The following LRP1B variants were observed in gnomAD, a reference collection of about 807,000 sequenced individuals.
LRP1B encodes LDL receptor related protein 1B.
A neutral mutation model predicts 556.6 loss-of-function variants in LRP1B; 217 were observed. The observed-to-expected ratio is 0.39, with a 90% CI of 0.35 to 0.44. The LOEUF (loss-of-function observed/expected upper bound fraction) is 0.44. LRP1B is among the 20% of genes least tolerant of loss of function. The pLI is 1.00. For synonymous variants in LRP1B, 2,047 were observed against 1,865.8 expected (o/e 1.10, Z -2.50); for missense variants, 5,053 against 5,620.8 (o/e 0.90, Z 3.23).
At chr2:141,605,430 T>C (rs1687885191) in intron 2 of LRP1B, among the ~76,000 whole-genome samples, 1 of 152,154 alleles carries the variant, frequency 6.6e-6, no homozygotes, top group South Asian at 2.1e-4. Context: ...ATGGTTAATA[T>C]GGGGCAGAAT....
chr2:141,663,487 T>G (rs1690302888), intron 2 of LRP1B, among the ~76,000 whole-genome samples: 1 of 151,240 alleles, frequency 6.6e-6, no homozygotes, highest in African/African-American at 2.4e-5. Context: ...ATAGACACAA[T>G]CAGAAGTGAT....
chr2:140,748,157 T>G (rs1688390876), intron 35 of LRP1B, among the ~76,000 whole-genome samples: 1 of 137,992 alleles, frequency 7.2e-6, no homozygotes, highest in Non-Finnish European at 1.5e-5. Context: ...TATGTGTGTA[T>G]ATATTCATAT....
At chr2:141,630,023 A>G (rs573149530) in intron 2 of LRP1B, among the ~76,000 whole-genome samples, 7 of 152,110 alleles carry the variant, frequency 4.6e-5, no homozygotes, top group Non-Finnish European at 1.0e-4. Context: ...AATAAAAATA[A>G]TGTTCTAACT....
intron 23 of LRP1B, among the ~76,000 whole-genome samples, chr2:140,897,208 T>C (rs1693979347): frequency 6.6e-6 from 1 of 152,338 alleles, no homozygotes; most frequent in South Asian, 2.1e-4. Flanking sequence ...TGAGAAATCA[T>C]ATGGTACTGC....
At chr2:140,961,261 CCTT>C (rs1446522530) in intron 18 of LRP1B, among the ~76,000 whole-genome samples, 1 of 151,956 alleles carries the variant, frequency 6.6e-6, no homozygotes, top group African/African-American at 2.4e-5. Flanking sequence ...ATCAATCTAT[CCTT>C]CTATTTGTCA....
At chr2:140,693,360 C>A (rs183053554) in intron 41 of LRP1B, among the ~76,000 whole-genome samples, 144 of 152,246 alleles carry the variant, frequency 9.5e-4, no homozygotes, top group African/African-American at 3.4e-3. Flanking sequence ...CTCTGTCACC[C>A]AGGCTAGAGT....
chr2:141,653,036 T>C (rs977426821), intron 2 of LRP1B, among the ~76,000 whole-genome samples: 15 of 152,186 alleles, frequency 9.9e-5, no homozygotes, highest in Admixed American at 3.9e-4. Context: ...TAATAAAACT[T>C]GGAAGGCTTT....
chr2:142,050,168 G>T (rs1704405020), intron 1 of LRP1B, among the ~76,000 whole-genome samples: 2 of 151,972 alleles, frequency 1.3e-5, no homozygotes, highest in Non-Finnish European at 1.5e-5. Context: ...TAATACATAG[G>T]TATACACACA....
chr2:140,522,470 A>G (rs1690223247), intron 49 of LRP1B, among the ~76,000 whole-genome samples: 1 of 151,982 alleles, frequency 6.6e-6, no homozygotes. Flanking sequence ...CACATCAAAA[A>G]GATAGAAAGA....
chr2:140,563,030 A>G (rs1282326116), intron 43 of LRP1B, among the ~76,000 whole-genome samples: 1 of 152,222 alleles, frequency 6.6e-6, no homozygotes, highest in Non-Finnish European at 1.5e-5. Flanking sequence ...ATAAGATGGT[A>G]CATATTTTTA....
At chr2:141,296,223 T>G (rs114259441) in intron 3 of LRP1B, among the ~76,000 whole-genome samples, 2,353 of 152,296 alleles carry the variant, frequency 0.015, 56 homozygotes, top group African/African-American at 0.053. Flanking sequence ...CCATGAAATT[T>G]GAAGCATTCC....
intron 3 of LRP1B, among the ~76,000 whole-genome samples, chr2:141,366,938 C>T (rs191211987): frequency 1.2e-3 from 184 of 152,264 alleles, no homozygotes; most frequent in African/African-American, 4.3e-3. Context: ...GAAATTACTC[C>T]ATCTTGAAGA....
At chr2:141,860,578 C>T (rs1418134169) in intron 1 of LRP1B, among the ~76,000 whole-genome samples, 1 of 152,006 alleles carries the variant, frequency 6.6e-6, no homozygotes, top group African/African-American at 2.4e-5. Context: ...CTATGTAATT[C>T]ACTGTGTACA....
At chr2:141,523,790 C>T (rs940332386) in intron 2 of LRP1B, among the ~76,000 whole-genome samples, 3 of 152,130 alleles carry the variant, frequency 2.0e-5, no homozygotes, top group Non-Finnish European at 1.5e-5. Flanking sequence ...AAATGAATTA[C>T]ATGTTCTCCC....
intron 84 of LRP1B, among the ~76,000 whole-genome samples, chr2:140,276,274 T>A (rs2104956224): frequency 6.6e-6 from 1 of 152,166 alleles, no homozygotes; most frequent in African/African-American, 2.4e-5. Flanking sequence ...ATTGACAGAC[T>A]TGCTTCATAT....
At chr2:141,254,352 C>A (rs575106755) in intron 4 of LRP1B, among the ~76,000 whole-genome samples, 170 bp downstream of exon 4, 1 of 151,986 alleles carries the variant, frequency 6.6e-6, no homozygotes, top group South Asian at 2.1e-4. Context: ...GAGTCATAAA[C>A]TTATAATAAT....
Position 141,354,084 on chromosome 2 carries a change from A to G in LRP1B, c.344-99443T>C, listed in dbSNP as rs374663699. ...AAAAGTGGAGTATGGGAGAAGACTG[A>G]GGATCAAAAACCTACCTCTCGGGTA... On this transcript the variant is annotated intron_variant, in intron 3 of 90. Coordinates refer to ENST00000389484, the MANE Select transcript of LRP1B (RefSeq NM_018557.3). Among the ~76,000 whole-genome samples the G allele has an allele frequency of 1.1e-4, 17 of 152,102 alleles. No individual in the cohort carries two copies. In the East Asian group the frequency reaches 3.3e-3, roughly 29 times the overall value.
chr2:141,247,037 T>G (rs1282627626), intron 5 of LRP1B, among the ~76,000 whole-genome samples, 189 bp downstream of exon 5: 4 of 150,006 alleles, frequency 2.7e-5, no homozygotes, highest in Non-Finnish European at 5.9e-5. Context: ...ATGGAAGGAG[T>G]TTTATAATGA....
At chr2:140,265,187 T>C (rs1441948555) in intron 86 of LRP1B, among the ~76,000 whole-genome samples, 1 of 152,086 alleles carries the variant, frequency 6.6e-6, no homozygotes, top group Middle Eastern at 3.2e-3. Context: ...CAACTTACTA[T>C]TGAGCTCAAT....
Sources: gnomAD v4.1 joint callset for allele counts (sites outside exome capture counted in the v4.1 genomes callset) on GRCh38, gnomAD v4.1.1 for gene constraint, MANE v1.5 for transcripts, NCBI Gene and HGNC (gene_info 2026-07-23, HGNC 2026-07-21) for gene names.